The following TRIM27 variants were observed in gnomAD, a reference collection of about 807,000 sequenced individuals.
TRIM27 encodes the protein tripartite motif containing 27.
A neutral mutation model predicts 57.6 loss-of-function variants in TRIM27; 12 were observed. The observed-to-expected ratio is 0.21, with a 90% CI of 0.13 to 0.34. The LOEUF (loss-of-function observed/expected upper bound fraction) is 0.34, where lower values mean the gene tolerates loss of function less well. TRIM27 is among the 10% of genes least tolerant of loss of function. The pLI is 1.00. For synonymous variants in TRIM27, 266 were observed against 259.0 expected, an observed-to-expected ratio of 1.03 and a Z score of -0.26; for missense variants, 403 against 656.8, an observed-to-expected ratio of 0.61 and a Z score of 4.22.
Position 28,923,875 on chromosome 6 carries a change from G to T in TRIM27, c.-243C>A. On this transcript the variant is annotated 5_prime_UTR_variant, in exon 1 of 8. Coordinates refer to ENST00000377199, the MANE Select transcript of TRIM27 (RefSeq NM_006510.5). Reference sequence around the variant, plus strand: ...ATACGGCCGGCTCACCGAGGCTCGCGGCCACGCTAGTGGGGCAGGAAAGGG... The same window carrying T: ...ATACGGCCGGCTCACCGAGGCTCGCTGCCACGCTAGTGGGGCAGGAAAGGG... The T allele has an allele frequency of 2.0e-6, 1 of 510,934 alleles. No homozygotes were observed. Among genetic ancestry groups the T allele is most frequent in the Non-Finnish European group, 3.4e-6 (1 of 292,802 alleles). 31.7% of individuals were successfully genotyped at this position (510,934 alleles called of 1,614,324 possible).
chr6:28,907,105 T>A, intron 7 of TRIM27, 131 bp downstream of exon 7: 1 of 790,546 alleles, frequency 1.3e-6, no homozygotes, highest in Non-Finnish European at 2.0e-6. Context: ...TTGTGGTTGT[T>A]GTGTATCATC....
rs780406995 is a variant in TRIM27 at position 28,904,508 on chromosome 6, G to A, written c.1104C>T (p.Ala368=). The part of the protein sequence containing the change: ...PCVLGSPCFI[A]GRHYWEVEVG... Reference sequence around the variant, plus strand: ...CCTCTACCTCCCAATAATGTCTCCCGGCGATGAAGCATGGAGAGCCCAAGA... The same window carrying A: ...CCTCTACCTCCCAATAATGTCTCCCAGCGATGAAGCATGGAGAGCCCAAGA... The change falls in exon 8 of 8, where the codon GCC becomes GCT. Residue 368 remains alanine, a synonymous_variant. Coordinates refer to ENST00000377199, the MANE Select transcript of TRIM27 (RefSeq NM_006510.5). The surrounding 1 kb of genome is among the most constrained non-coding windows in gnomAD (Gnocchi z 6.1). 12 of 1,612,886 alleles carry A rather than the reference G, an allele frequency of 7.4e-6. No homozygotes were observed. The highest frequency in any genetic ancestry group is 2.2e-5 in the East Asian group (1 of 44,858).
At chr6:28,917,141 AAAC>A (rs1317549957) in intron 3 of TRIM27, among the ~76,000 whole-genome samples, 7 of 151,930 alleles carry the variant, frequency 4.6e-5, no homozygotes, top group African/African-American at 1.7e-4. Context: ...ACCCTGTCTC[AAAC>A]AACAACAATA....
At chr6:28,912,344 A>G (rs1015598372) in intron 3 of TRIM27, among the ~76,000 whole-genome samples, 1 of 152,118 alleles carries the variant, frequency 6.6e-6, no homozygotes, top group African/African-American at 2.4e-5. Flanking sequence ...TCCTGACCTC[A>G]GGTGATCCAC....
intron 4 of TRIM27, among the ~76,000 whole-genome samples, chr6:28,910,573 A>T (rs1231827323): frequency 6.6e-6 from 1 of 152,076 alleles, no homozygotes; most frequent in Non-Finnish European, 1.5e-5. Context: ...CAGGTGATCC[A>T]CCTGACTTGG....
rs554723926 is a variant in TRIM27 at position 28,904,692 on chromosome 6, G to C, written c.947-27C>G. On this transcript the variant is annotated intron_variant, in intron 7 of 7. Coordinates refer to ENST00000377199, the MANE Select transcript of TRIM27 (RefSeq NM_006510.5). The surrounding 1 kb of genome is among the most constrained non-coding windows in gnomAD (Gnocchi z 6.1). ...TGTAGAGACACAAGGAAGACAGTCAGCCGTGGGCCAGGAGAGCCTATTTTA... is the reference window on the plus strand; with the variant it reads ...TGTAGAGACACAAGGAAGACAGTCACCCGTGGGCCAGGAGAGCCTATTTTA... 6.6e-5 allele frequency: 103 copies of C among 1,567,288 alleles called. No individual in the cohort carries two copies. The highest frequency in any genetic ancestry group is 8.1e-5 in the Non-Finnish European group (94 of 1,159,608).
chr6:28,919,284 A>C (rs898831934), intron 3 of TRIM27, among the ~76,000 whole-genome samples: 3 of 152,182 alleles, frequency 2.0e-5, no homozygotes, highest in Non-Finnish European at 4.4e-5. Context: ...TGCTGGGATT[A>C]CAGGTGTGAG....
chr6:28,915,785 A>C (rs2150480223), intron 3 of TRIM27: 1 of 152,324 alleles, frequency 6.6e-6, no homozygotes, highest in East Asian at 1.9e-4. Context: ...CAATAGCCAA[A>C]AGGTGCAAAC....
rs1061625 is a variant in TRIM27, at chr6:28,923,681, T to C, written c.-49A>G. The C allele has an allele frequency of 0.33, 482,126 of 1,471,178 alleles. 84,576 individuals carry two copies. Among genetic ancestry groups the C allele is most frequent in the African/African-American group, 0.61 (43,237 of 71,120 alleles). The allele number at this position is 1,471,178 out of a possible 1,614,324, so 91.1% of individuals were successfully genotyped here. A position where few individuals can be genotyped will look rare whatever the true frequency, so the allele number is the denominator to read the frequency against. On this transcript the variant is annotated 5_prime_UTR_variant, in exon 1 of 8. Transcript: ENST00000377199. ...GGGCATGGGCCCCGGCGCCGAGCTCTGCACTGAGCCCAACTCTCCGGCGCT... is the reference window on the plus strand; with the variant it reads ...GGGCATGGGCCCCGGCGCCGAGCTCCGCACTGAGCCCAACTCTCCGGCGCT...
chr6:28,911,934 C>T (rs757236129), intron 3 of TRIM27, among the ~76,000 whole-genome samples: 10 of 152,148 alleles, frequency 6.6e-5, no homozygotes, highest in Admixed American at 1.3e-4. Flanking sequence ...TTCCCATACC[C>T]TCCTTCAGTA....
At position 28,920,051 on chromosome 6, in the gene TRIM27, TAGCTGAGC is replaced by T. The variant is rs1773907807; in HGVS notation, c.700_707del (p.Ala234ArgfsTer23). ...TGGTGGGCTGCTGCTGCTTCTCTTC[TAGCTGAGC>T]GATCAGGCTGCTGAGGTGGGAGATG... is the stretch of plus-strand genomic sequence containing the variant. On this transcript the variant is annotated frameshift_variant, in exon 3 of 8. Coordinates refer to ENST00000377199, the MANE Select transcript of TRIM27 (RefSeq NM_006510.5). LOFTEE classifies it high-confidence loss of function. 2.5e-6 allele frequency: 4 copies of T among 1,613,890 alleles called. No individual in the cohort carries two copies. Among genetic ancestry groups the T allele is most frequent in the Non-Finnish European group, 3.4e-6 (4 of 1,180,026 alleles).
chr6:28,912,728 T>C (rs1384059009), intron 3 of TRIM27, among the ~76,000 whole-genome samples: 1 of 152,198 alleles, frequency 6.6e-6, no homozygotes. Flanking sequence ...GGTTATCTTG[T>C]GCATATGTAT....
intron 3 of TRIM27, chr6:28,914,664 C>T (rs1185426888): frequency 1.4e-5 from 2 of 146,616 alleles, no homozygotes; most frequent in Admixed American, 6.9e-5. Flanking sequence ...CACTGAAATC[C>T]GAGACTTCAC....
At chr6:28,918,993 C>CATTTTT (rs763996696) in intron 3 of TRIM27, among the ~76,000 whole-genome samples, 1 of 151,898 alleles carries the variant, frequency 6.6e-6, no homozygotes, top group South Asian at 2.1e-4. Flanking sequence ...TGCCATCATC[C>CATTTTT]ATTTTTATTT....
intron 7 of TRIM27, 136 bp downstream of exon 7, chr6:28,907,100 G>A: frequency 1.3e-6 from 1 of 750,658 alleles, no homozygotes; most frequent in Non-Finnish European, 2.2e-6. Flanking sequence ...GATTTTTGTG[G>A]TTGTTGTGTA....
At position 28,923,830 on chromosome 6, in the gene TRIM27, C is replaced by G. The variant is rs933307418; in HGVS notation, c.-198G>C. 7 of 597,180 alleles carry G rather than the reference C, an allele frequency of 1.2e-5. No individual in the cohort carries two copies. Among genetic ancestry groups the G allele is most frequent in the East Asian group, 3.1e-5 (1 of 32,436 alleles). The allele number at this position is 597,180 out of a possible 1,614,324, so 37.0% of individuals were successfully genotyped here. A position where few individuals can be genotyped will look rare whatever the true frequency, so the allele number is the denominator to read the frequency against. ...GGCCGGGCCGATGCCTGCGCCTGTG[C>G]CCCCTAAGCGAGAGCGGGAATACGG... is the stretch of plus-strand genomic sequence containing the variant. On this transcript the variant is annotated 5_prime_UTR_variant, in exon 1 of 8. Coordinates refer to ENST00000377199, the MANE Select transcript of TRIM27 (RefSeq NM_006510.5).
Position 28,904,160 on chromosome 6 carries a change from T to C in TRIM27, c.1452A>G (p.Ala484=), listed in dbSNP as rs1772593635. 1.2e-6 allele frequency: 2 copies of C among 1,613,056 alleles called. No individual in the cohort carries two copies. Among genetic ancestry groups the C allele is most frequent in the Non-Finnish European group, 1.7e-6 (2 of 1,180,028 alleles). ...TCATGGGGCAGATGATCAGAGGAGC[T>C]GCACTTTTCCCTCCCGAGTAACTCA... ...FSLSYSGGKS[A]APLIICPMSG... Residue 484 remains alanine, a synonymous_variant, in exon 8 of 8, where the codon GCA becomes GCG. Transcript: ENST00000377199. The surrounding 1 kb of genome is among the most constrained non-coding windows in gnomAD (Gnocchi z 6.1).
At chr6:28,917,491 T>C (rs908381746) in intron 3 of TRIM27, among the ~76,000 whole-genome samples, 8 of 151,654 alleles carry the variant, frequency 5.3e-5, no homozygotes, top group Admixed American at 2.0e-4. Flanking sequence ...GGCAGGAGAA[T>C]TGCTTGAACT....
At chr6:28,905,237 C>T (rs1356725756) in intron 7 of TRIM27, 4 of 152,360 alleles carry the variant, frequency 2.6e-5, no homozygotes, top group South Asian at 2.1e-4. Flanking sequence ...TTTTCTTACA[C>T]GCTCATCATC....
Sources: gnomAD v4.1 joint callset for allele counts (sites outside exome capture counted in the v4.1 genomes callset) on GRCh38, gnomAD v4.1.1 for gene constraint, Gnocchi (gnomAD v3.1) non-coding constraint, MANE v1.5 for transcripts, NCBI Gene and HGNC (gene_info 2026-07-23, HGNC 2026-07-21) for gene names.